The following LTBP1 variants were observed in gnomAD, a reference collection of about 807,000 sequenced individuals.
LTBP1 encodes latent-transforming growth factor beta-binding protein 1.
Under a neutral mutation model 207.6 loss-of-function variants are expected in LTBP1, and 129 were observed. The observed-to-expected ratio is 0.62, with a 90% confidence interval of 0.54 to 0.72. LTBP1 has a LOEUF of 0.72. Among genes scored for constraint, LTBP1 ranks in the 30% least tolerant of loss-of-function variants. The pLI is 0.00. For missense variants in LTBP1, 2,281 were observed against 2,217.2 expected (o/e 1.03, Z -0.58); for synonymous variants, 963 against 833.7 (o/e 1.16, Z -2.67).
chr2:33,003,823 G>T (rs1419735957), intron 2 of LTBP1, among the ~76,000 whole-genome samples: 1 of 151,726 alleles, frequency 6.6e-6, no homozygotes, highest in African/African-American at 2.4e-5. Context: ...AACAAGAACT[G>T]TCACAAAAAC....
At chr2:33,204,658 C>T (rs2089686476) in intron 7 of LTBP1, among the ~76,000 whole-genome samples, 1 of 152,026 alleles carries the variant, frequency 6.6e-6, no homozygotes, top group Non-Finnish European at 1.5e-5. Context: ...TAGCATGCTG[C>T]AAGCTCAAAC....
chr2:33,072,589 C>CT lies in LTBP1; in HGVS notation c.864-37993_864-37992insT, dbSNP rs1270596840. Among the ~76,000 whole-genome samples, 3 of 152,170 alleles carry CT rather than the reference C, an allele frequency of 2.0e-5. No individual in the cohort carries two copies. In the East Asian group the frequency reaches 5.8e-4, roughly 29 times the overall value. ...GTATGTTTTTAGTTTCTAAGGCCTT[C>CT]CTTGGGGAGAAAAAAGTGCAGGTGA... On this transcript the variant is annotated intron_variant, in intron 3 of 33. Coordinates refer to ENST00000404816, the MANE Select transcript of LTBP1 (RefSeq NM_206943.4).
At chr2:32,983,932 T>TA (rs763593178) in intron 2 of LTBP1, among the ~76,000 whole-genome samples, 12 of 152,252 alleles carry the variant, frequency 7.9e-5, no homozygotes, top group Non-Finnish European at 1.6e-4. Context: ...ATTCAAGTCT[T>TA]AAGTTAGATC....
At chr2:33,025,776 A>G (rs219206) in intron 3 of LTBP1, among the ~76,000 whole-genome samples, 61,420 of 152,030 alleles carry the variant, frequency 0.4, 14,282 homozygotes, top group East Asian at 0.71. Flanking sequence ...TATAGAGGTA[A>G]TAAGATTGGC....
At chr2:33,202,565 T>C (rs931454042) in intron 7 of LTBP1, among the ~76,000 whole-genome samples, 2 of 152,214 alleles carry the variant, frequency 1.3e-5, no homozygotes, top group African/African-American at 2.4e-5. Flanking sequence ...CTGACAGAAG[T>C]AATGCCAGAA....
chr2:33,134,633 G>T lies in LTBP1; in HGVS notation c.1034-160G>T. The T allele has an allele frequency of 6.5e-7, 1 of 1,537,588 alleles. No individual in the cohort carries two copies. Among genetic ancestry groups the T allele is most frequent in the Non-Finnish European group, 8.8e-7 (1 of 1,142,054 alleles). On this transcript the variant is annotated intron_variant, in intron 4 of 33. Coordinates refer to ENST00000404816, the MANE Select transcript of LTBP1 (RefSeq NM_206943.4). The surrounding 1 kb of genome is among the most constrained non-coding windows in gnomAD (Gnocchi z 4.4). ...GAATACAGAGCAGCGAGCACTGAAG[G>T]CTTCCCTCTTTCCTTAAACCTGTCG...
At chr2:33,071,187 C>T (rs1179350768) in intron 3 of LTBP1, among the ~76,000 whole-genome samples, 3 of 152,154 alleles carry the variant, frequency 2.0e-5, no homozygotes, top group African/African-American at 7.2e-5. Flanking sequence ...AGGCCACTTC[C>T]AAGCTTACTC....
At chr2:33,347,230 G>A in intron 25 of LTBP1, 137 bp from the exon 26 acceptor site, 1 of 792,108 alleles carries the variant, frequency 1.3e-6, no homozygotes, top group Non-Finnish European at 2.0e-6. Flanking sequence ...TTCCCTAAAA[G>A]AGCAGAAGGG....
intron 31 of LTBP1, among the ~76,000 whole-genome samples, chr2:33,374,749 C>T (rs1442229991): frequency 6.6e-6 from 1 of 152,104 alleles, no homozygotes; most frequent in African/African-American, 2.4e-5. Context: ...GTCAGGAGTT[C>T]GAGACCAGCC....
intron 31 of LTBP1, among the ~76,000 whole-genome samples, chr2:33,378,478 C>T (rs577630972): frequency 1.6e-4 from 24 of 152,198 alleles, no homozygotes; most frequent in African/African-American, 5.1e-4. Flanking sequence ...GCAATCCACC[C>T]GCCTCAGCCT....
chr2:33,071,483 G>A (rs983647060), intron 3 of LTBP1, among the ~76,000 whole-genome samples: 5 of 152,178 alleles, frequency 3.3e-5, no homozygotes, highest in Admixed American at 3.3e-4. Flanking sequence ...GGATCATTGG[G>A]TGCCATCTTA....
intron 3 of LTBP1, among the ~76,000 whole-genome samples, chr2:33,079,208 A>T (rs1227047305): frequency 1.3e-5 from 2 of 152,226 alleles, no homozygotes; most frequent in Non-Finnish European, 2.9e-5. Flanking sequence ...TCCAAAGATG[A>T]ATAAATGAAG....
intron 7 of LTBP1, 35 bp from the exon 8 acceptor site, chr2:33,217,517 A>C (rs763448269): frequency 6.7e-7 from 1 of 1,501,514 alleles, no homozygotes. Context: ...TCCTGCACTC[A>C]ATTAACCTTC....
At chr2:32,962,847 C>G (rs1036851866) in intron 2 of LTBP1, among the ~76,000 whole-genome samples, 1 of 152,236 alleles carries the variant, frequency 6.6e-6, no homozygotes. Flanking sequence ...ACTCTCCAGC[C>G]CTGTTAAACC....
intron 2 of LTBP1, among the ~76,000 whole-genome samples, chr2:33,015,304 C>T (rs1688223991): frequency 6.6e-6 from 1 of 152,160 alleles, no homozygotes; most frequent in African/African-American, 2.4e-5. Context: ...TTGGAGACTG[C>T]TTGATTGAAT....
At position 33,000,734 on chromosome 2, in the gene LTBP1, G is replaced by A. The variant is rs998050414; in HGVS notation, c.566-20175G>A. On this transcript the variant is annotated intron_variant, in intron 2 of 33. Coordinates refer to ENST00000404816, the MANE Select transcript of LTBP1 (RefSeq NM_206943.4). ...GAGGTTAATAGGGGTTCAGTATAAT[G>A]CATGTTTAATAAGTACTCTGGGTTT... 1.5e-5 allele frequency among the ~76,000 whole-genome samples: 2 copies of A among 134,068 alleles called. 1 individual carries two copies. The highest frequency in any genetic ancestry group is 3.3e-5 in the Non-Finnish European group (2 of 61,090). The allele number at this position is 134,068 out of a possible 152,430, so 88.0% of individuals were successfully genotyped here.
chr2:33,277,882 T>G (rs1319969948), intron 18 of LTBP1, among the ~76,000 whole-genome samples: 1 of 147,478 alleles, frequency 6.8e-6, no homozygotes, highest in Admixed American at 6.9e-5. Context: ...CAGGCTGGAG[T>G]GCAGTGGTGC....
rs548561723 is a variant in LTBP1 at position 33,183,720 on chromosome 2, G to T, written c.1202-3136G>T. Reference sequence around the variant, plus strand: ...CTTTGCTTTACCCATTACACACTGAGCCTGTCCAGTGTAGCCAAACTGTGG... The same window carrying T: ...CTTTGCTTTACCCATTACACACTGATCCTGTCCAGTGTAGCCAAACTGTGG... On this transcript the variant is annotated intron_variant, in intron 5 of 33. Coordinates refer to ENST00000404816, the MANE Select transcript of LTBP1 (RefSeq NM_206943.4). 7.9e-5 allele frequency among the ~76,000 whole-genome samples: 12 copies of T among 152,282 alleles called. No individual in the cohort carries two copies. In the East Asian group the frequency reaches 2.3e-3, roughly 29 times the overall value.
At chr2:33,087,624 G>A (rs921604819) in intron 3 of LTBP1, among the ~76,000 whole-genome samples, 1 of 152,068 alleles carries the variant, frequency 6.6e-6, no homozygotes, top group East Asian at 1.9e-4. Context: ...CCTCTGTCCT[G>A]CCCCCAGCTT....
Sources: gnomAD v4.1 joint callset for allele counts (sites outside exome capture counted in the v4.1 genomes callset) on GRCh38, gnomAD v4.1.1 for gene constraint, Gnocchi (gnomAD v3.1) non-coding constraint, MANE v1.5 for transcripts, NCBI Gene and HGNC (gene_info 2026-07-23, HGNC 2026-07-21) for gene names.